The following WWC1 variants were observed in gnomAD, a reference collection of about 807,000 sequenced individuals.
WWC1 encodes the protein protein KIBRA.
Under a neutral mutation model 138.4 loss-of-function variants are expected in WWC1, and 55 were observed. That is an observed-to-expected ratio of 0.40 (90% CI 0.32 to 0.50). The LOEUF is 0.50. Among genes scored for constraint, WWC1 ranks in the 20% least tolerant of loss-of-function variants. The probability of loss-of-function intolerance (pLI) is 0.72; values close to 1 mark genes in which losing one functional copy is unlikely to be tolerated. For missense variants in WWC1, 1,226 were observed against 1,420.4 expected, an observed-to-expected ratio of 0.86 and a Z score of 2.20; for synonymous variants, 524 against 564.9, an observed-to-expected ratio of 0.93 and a Z score of 1.03.
chr5:168,409,850 T>G, intron 7 of WWC1, 72 bp from the exon 8 acceptor site: 37 of 1,499,916 alleles, frequency 2.5e-5, no homozygotes, highest in Non-Finnish European at 3.3e-5. Flanking sequence ...AAGTCTCTCA[T>G]GAGCCCTCGA....
At chr5:168,412,242 C>A in intron 8 of WWC1, 1 of 964,712 alleles carries the variant, frequency 1.0e-6, no homozygotes, top group South Asian at 4.8e-5. Context: ...CTTGCTTGCC[C>A]CTCCACCCGA....
At chr5:168,424,932 T>C (rs1164800998) in intron 11 of WWC1, among the ~76,000 whole-genome samples, 9 of 152,222 alleles carry the variant, frequency 5.9e-5, no homozygotes, top group Non-Finnish European at 1.3e-4. Context: ...ATGCTGACAT[T>C]GACAGCTAAG....
At chr5:168,354,803 C>T (rs528048963) in intron 1 of WWC1, among the ~76,000 whole-genome samples, 59 of 152,204 alleles carry the variant, frequency 3.9e-4, no homozygotes, top group Non-Finnish European at 7.4e-4. Flanking sequence ...ATTGAGCTTC[C>T]AGAGTGAACA....
chr5:168,448,564 G>A (rs13361952), intron 17 of WWC1, among the ~76,000 whole-genome samples: 40,148 of 150,652 alleles, frequency 0.27, 6,528 homozygotes, highest in African/African-American at 0.45. Context: ...TGGATCGCAG[G>A]GTGTGTGTTT....
At chr5:168,391,187 C>T (rs1263627647) in intron 3 of WWC1, among the ~76,000 whole-genome samples, 1 of 152,162 alleles carries the variant, frequency 6.6e-6, no homozygotes, top group East Asian at 1.9e-4. Flanking sequence ...TTTCCCCTCC[C>T]TAGGCCTTGA....
chr5:168,446,322 T>C (rs1471506700), intron 17 of WWC1, among the ~76,000 whole-genome samples: 1 of 150,550 alleles, frequency 6.6e-6, no homozygotes, highest in Non-Finnish European at 1.5e-5. Flanking sequence ...ACTTTCTCCC[T>C]GATGTAATCA....
intron 1 of WWC1, among the ~76,000 whole-genome samples, chr5:168,361,166 G>T (rs1253722309): frequency 6.6e-6 from 1 of 152,182 alleles, no homozygotes; most frequent in Non-Finnish European, 1.5e-5. Flanking sequence ...TCAGACCTGG[G>T]GGAAGGAATG....
At position 168,469,348 on chromosome 5, in the gene WWC1, C is replaced by A; in HGVS notation, c.*331C>A. 3.5e-6 allele frequency: 1 copy of A among 282,186 alleles called. No individual in the cohort carries two copies. Among genetic ancestry groups the A allele is most frequent in the Non-Finnish European group, 6.8e-6 (1 of 147,872 alleles). The allele number at this position is 282,186 out of a possible 1,614,324, so 17.5% of individuals were successfully genotyped here. A position where few individuals can be genotyped will look rare whatever the true frequency, so the allele number is the denominator to read the frequency against. ...ATTGAGTTGCTGCTCTTCTTAAAAT[C>A]GTTTAGATTTTTTTTGGTTTGTACA... is the stretch of plus-strand genomic sequence containing the variant. On this transcript the variant is annotated 3_prime_UTR_variant, in exon 23 of 23. Transcript: ENST00000265293.
Position 168,409,988 on chromosome 5 carries a change from A to G in WWC1, c.934A>G (p.Lys312Glu), listed in dbSNP as rs1339309134. The change falls in exon 8 of 23, where the codon AAG becomes GAG. Residue 312 changes from lysine to glutamate, a missense_variant. Transcript: ENST00000265293. ...VRLRLRYEEA[K>E]RRIANLKIQL... is the part of the protein sequence containing the mutation. ...ATTGCGCCTTCGATATGAAGAGGCTAAGAGAAGGTAATTGGGCTGGGGCTA... is the reference window on the plus strand; with the variant it reads ...ATTGCGCCTTCGATATGAAGAGGCTGAGAGAAGGTAATTGGGCTGGGGCTA... 1 of 1,613,534 alleles carries G rather than the reference A, an allele frequency of 6.2e-7. No individual in the cohort carries two copies. Among genetic ancestry groups the G allele is most frequent in the Non-Finnish European group, 8.5e-7 (1 of 1,179,830 alleles).
intron 1 of WWC1, among the ~76,000 whole-genome samples, chr5:168,309,414 A>G (rs1183470949): frequency 6.6e-6 from 1 of 152,160 alleles, no homozygotes; most frequent in Admixed American, 6.5e-5. Context: ...AATGATTACA[A>G]CATAGGCATG....
intron 21 of WWC1, 32 bp from the exon 22 acceptor site, chr5:168,467,808 C>T (rs199564268): frequency 3.8e-5 from 61 of 1,613,698 alleles, no homozygotes; most frequent in Non-Finnish European, 5.0e-5. Flanking sequence ...AGGCCCCCTC[C>T]ACTGACTCAG....
At chr5:168,375,587 T>C (rs758005286) in intron 2 of WWC1, among the ~76,000 whole-genome samples, 3 of 151,858 alleles carry the variant, frequency 2.0e-5, no homozygotes, top group African/African-American at 7.3e-5. Context: ...CTTTTCTTCT[T>C]TTTTTTTAGA....
intron 1 of WWC1, among the ~76,000 whole-genome samples, chr5:168,334,209 G>A (rs1189687939): frequency 6.6e-6 from 1 of 151,478 alleles, no homozygotes; most frequent in Non-Finnish European, 1.5e-5. Flanking sequence ...AGGTGACAGA[G>A]CAAGATCCTG....
chr5:168,344,835 A>G lies in WWC1; in HGVS notation c.120-26589A>G, dbSNP rs79669654. ...GGGGAAAAGATTTGATCAGGCCTTC[A>G]TTTTGAGAAATGAAACTAAAAATTT... is the stretch of plus-strand genomic sequence containing the variant. On this transcript the variant is annotated intron_variant, in intron 1 of 22. Transcript: ENST00000265293. 1.7e-3 allele frequency among the ~76,000 whole-genome samples: 266 copies of G among 152,332 alleles called. 2 individuals carry two copies. The highest frequency in any genetic ancestry group is 6.0e-3 in the African/African-American group (251 of 41,570).
At chr5:168,441,270 G>T (rs1754730348) in intron 15 of WWC1, among the ~76,000 whole-genome samples, 1 of 152,082 alleles carries the variant, frequency 6.6e-6, no homozygotes, top group African/African-American at 2.4e-5. Flanking sequence ...GTGGGGAAGG[G>T]GAAAAAGAGG....
chr5:168,396,402 A>G (rs954978679), intron 3 of WWC1, among the ~76,000 whole-genome samples: 8 of 150,114 alleles, frequency 5.3e-5, no homozygotes, highest in African/African-American at 2.0e-4. Context: ...AAAAGAAAAG[A>G]AAAGAAAAAC....
intron 1 of WWC1, among the ~76,000 whole-genome samples, chr5:168,328,011 CAG>C (rs1356383278): frequency 6.6e-6 from 1 of 152,198 alleles, no homozygotes; most frequent in African/African-American, 2.4e-5. Context: ...CTGCTCAAAA[CAG>C]AGTGGGACCA....
At chr5:168,408,122 C>A (rs931982496) in intron 6 of WWC1, among the ~76,000 whole-genome samples, 4 of 151,276 alleles carry the variant, frequency 2.6e-5, no homozygotes, top group Non-Finnish European at 5.9e-5. Context: ...CCCAGCTCGG[C>A]CTCTCAAAGC....
chr5:168,375,173 T>C (rs1777070521), intron 2 of WWC1, among the ~76,000 whole-genome samples: 1 of 152,052 alleles, frequency 6.6e-6, no homozygotes, highest in African/African-American at 2.4e-5. Flanking sequence ...ATAGCTAGTA[T>C]GTAAAGACAC....
Sources: allele counts gnomAD v4.1 joint callset (sites outside exome capture counted in the v4.1 genomes callset), GRCh38; gene constraint gnomAD v4.1.1; transcripts MANE v1.5; gene names NCBI Gene and HGNC (gene_info 2026-07-23, HGNC 2026-07-21).